DOCK8: variants seen among roughly 807,000 people sequenced by gnomAD.
DOCK8 encodes the protein dedicator of cytokinesis protein 8.
In DOCK8, 141 loss-of-function variants were observed where a neutral mutation model predicts 245.6. The ratio of observed to expected loss-of-function variants is 0.57; its 90% CI spans 0.50 to 0.66. The LOEUF (loss-of-function observed/expected upper bound fraction) is 0.66, where lower values mean the gene tolerates loss of function less well. Among genes scored for constraint, DOCK8 ranks in the 30% least tolerant of loss-of-function variants. DOCK8 has a pLI of 0.00. For missense variants in DOCK8, 2,965 were observed against 2,603.4 expected (o/e 1.14, Z -3.02); for synonymous variants, 1,168 against 970.2 (o/e 1.20, Z -3.79).
intron 32 of DOCK8, 98 bp downstream of exon 32, chr9:421,176 TTGAGA>T: frequency 6.6e-7 from 1 of 1,522,096 alleles, no homozygotes; most frequent in Admixed American, 1.7e-5. Flanking sequence ...CATTACTTTC[TTGAGA>T]TATTTACGGT....
intron 45 of DOCK8, 122 bp downstream of exon 45, chr9:450,049 TC>T (rs1426274135): frequency 1.8e-5 from 21 of 1,144,952 alleles, no homozygotes; most frequent in Non-Finnish European, 2.4e-5. Flanking sequence ...ACAGAAATGT[TC>T]CTACACTTAA....
At chr9:420,091 A>G (rs1225311233) in intron 30 of DOCK8, 14 of 422,176 alleles carry the variant, frequency 3.3e-5, no homozygotes, top group Non-Finnish European at 6.2e-5. Flanking sequence ...ACGCATGATC[A>G]AGGCCCAGGG....
At chr9:384,938 A>G (rs1244506874) in intron 22 of DOCK8, among the ~76,000 whole-genome samples, 1 of 152,162 alleles carries the variant, frequency 6.6e-6, no homozygotes, top group African/African-American at 2.4e-5. Flanking sequence ...TAAATAAAAA[A>G]TAAATGAAAA....
upstream of DOCK8, chr9:213,225 G>C (rs922343821): frequency 6.6e-6 from 1 of 152,170 alleles, no homozygotes; most frequent in African/African-American, 2.4e-5. Context: ...GGTGGGCATT[G>C]GGGGGCGGGG....
At chr9:362,395 C>A (rs1490223326) in intron 14 of DOCK8, among the ~76,000 whole-genome samples, 2 of 152,222 alleles carry the variant, frequency 1.3e-5, no homozygotes, top group Non-Finnish European at 1.5e-5. Flanking sequence ...ATGATTGACT[C>A]ACCATGACAT....
At chr9:313,249 G>A (rs528005610) in intron 6 of DOCK8, among the ~76,000 whole-genome samples, 12 of 152,170 alleles carry the variant, frequency 7.9e-5, no homozygotes, top group Non-Finnish European at 1.5e-4. Flanking sequence ...CACATCTTCC[G>A]AGAAAGAAGA....
At chr9:463,379 C>T in intron 46 of DOCK8, 138 bp from the exon 47 acceptor site, 5 of 965,756 alleles carry the variant, frequency 5.2e-6, no homozygotes, top group South Asian at 1.6e-5. Flanking sequence ...TGAAAAGCTC[C>T]ACAGGTGATC....
At chr9:430,732 G>A (rs989047723) in intron 36 of DOCK8, among the ~76,000 whole-genome samples, 1 of 152,044 alleles carries the variant, frequency 6.6e-6, no homozygotes, top group African/African-American at 2.4e-5. Context: ...TCATCTGTGG[G>A]GGAAAAAATA....
At chr9:290,285 T>A (rs1222518427) in intron 4 of DOCK8, among the ~76,000 whole-genome samples, 2 of 152,076 alleles carry the variant, frequency 1.3e-5, no homozygotes, top group Non-Finnish European at 1.5e-5. Flanking sequence ...TTTTTTGCGA[T>A]TTTTTTAAAG....
At chr9:227,935 C>A (rs2047025339) in intron 1 of DOCK8, among the ~76,000 whole-genome samples, 1 of 152,068 alleles carries the variant, frequency 6.6e-6, no homozygotes, top group Non-Finnish European at 1.5e-5. Context: ...AGGGTAGTTA[C>A]AAAGATCACA....
Position 312,171 on chromosome 9 carries a change from G to A in DOCK8, c.741+5G>A, listed in dbSNP as rs1325284249. On this transcript the variant is annotated splice_donor_5th_base_variant and intron_variant, in intron 6 of 47. Transcript: ENST00000432829. ...CTTTACCCATCAGTGGACGAGGTGG[G>A]TGCCACTGTTTCCATACTGGAGAAT... 1 of 1,614,018 alleles carries A rather than the reference G, an allele frequency of 6.2e-7. No individual in the cohort carries two copies. Among genetic ancestry groups the A allele is most frequent in the Non-Finnish European group, 8.5e-7 (1 of 1,179,914 alleles).
In DOCK8 at chr9:371,502, C is replaced by T. The variant is rs1187287724; in HGVS notation, c.1943C>T (p.Thr648Ile). The part of the protein sequence containing the change: ...KLTVNHHLLF[T>I]FYHISCQQKQ... ...ACAGTAAATCACCACCTCCTGTTCA[C>T]CTTCTACCATATCAGCTGTCAGCAG... The change falls in exon 17 of 48, where the codon ACC (threonine) becomes ATC (isoleucine). Residue 648 changes from threonine (T) to isoleucine (I), a missense_variant. Thr to Ile is a moderately conservative substitution (Grantham distance 89, BLOSUM62 -1). Coordinates refer to ENST00000432829, the MANE Select transcript of DOCK8 (RefSeq NM_203447.4). The T allele has an allele frequency of 1.2e-6, 2 of 1,614,070 alleles. No homozygotes were observed. Among genetic ancestry groups the T allele is most frequent in the Admixed American group, 1.7e-5 (1 of 59,998 alleles).
At chr9:352,512 G>T (rs944632895) in intron 14 of DOCK8, among the ~76,000 whole-genome samples, 17 of 152,210 alleles carry the variant, frequency 1.1e-4, no homozygotes, top group African/African-American at 4.1e-4. Context: ...GGGAGGCCGA[G>T]GCGGGTGGAT....
At chr9:405,792 A>G (rs144886480) in intron 27 of DOCK8, among the ~76,000 whole-genome samples, 2 of 152,380 alleles carry the variant, frequency 1.3e-5, no homozygotes, top group African/African-American at 4.8e-5. Flanking sequence ...AATCTTAGCC[A>G]TATATGCCAT....
chr9:376,258 G>A lies in DOCK8; in HGVS notation c.2158G>A (p.Gly720Arg), dbSNP rs764531065. 1 of 1,613,480 alleles carries A rather than the reference G, an allele frequency of 6.2e-7. No homozygotes were observed. The highest frequency in any genetic ancestry group is 1.3e-5 in the African/African-American group (1 of 74,852). ...PPIKWAEGHK[G>R]VFNIEVQAVS... ...CATTAAGTGGGCTGAAGGACATAAG[G>A]GAGTATTTAATATTGAAGTGCAAGC... is the stretch of plus-strand genomic sequence containing the variant. Residue 720 changes from glycine (G) to arginine (R), a missense_variant, in exon 19 of 48, where the codon GGA (glycine) becomes AGA (arginine). By Grantham distance (125) the Gly-to-Arg change is moderately radical (BLOSUM62 -2). Transcript: ENST00000432829.
intron 14 of DOCK8, among the ~76,000 whole-genome samples, chr9:346,923 G>A (rs2130982730): frequency 6.6e-6 from 1 of 152,218 alleles, no homozygotes; most frequent in East Asian, 1.9e-4. Context: ...CAGGACATGG[G>A]GAGTATCCTT....
intron 2 of DOCK8, among the ~76,000 whole-genome samples, chr9:277,309 C>T (rs186423166): frequency 3.8e-4 from 57 of 151,970 alleles, no homozygotes; most frequent in Middle Eastern, 6.8e-3. Context: ...CCTTTAGTCC[C>T]AGCTACTTGC....
chr9:385,863 C>T (rs2053929317), intron 22 of DOCK8, among the ~76,000 whole-genome samples: 1 of 152,068 alleles, frequency 6.6e-6, no homozygotes, highest in Non-Finnish European at 1.5e-5. Flanking sequence ...ACAGGGTTAG[C>T]AATTTTCGAA....
intron 14 of DOCK8, among the ~76,000 whole-genome samples, chr9:343,720 T>C (rs2051724036): frequency 6.6e-6 from 1 of 152,228 alleles, no homozygotes; most frequent in African/African-American, 2.4e-5. Context: ...GTTTCGATTC[T>C]CTATTCCTTA....
Sources: gnomAD v4.1 joint callset for allele counts (sites outside exome capture counted in the v4.1 genomes callset) on GRCh38, gnomAD v4.1.1 for gene constraint, MANE v1.5 for transcripts, NCBI Gene and HGNC (gene_info 2026-07-23, HGNC 2026-07-21) for gene names.